Variants in MCOLN2 observed in about 807,000 individuals in gnomAD.
MCOLN2 encodes the protein mucolipin TRP cation channel 2.
Under a neutral mutation model 67.5 loss-of-function variants are expected in MCOLN2, and 57 were observed. That is an observed-to-expected ratio of 0.84 (90% CI 0.68 to 1.05). The LOEUF (loss-of-function observed/expected upper bound fraction) is 1.05. MCOLN2 is among the 50% of genes least tolerant of loss of function. The probability of loss-of-function intolerance (pLI) is 0.00; values close to 1 mark genes in which losing one functional copy is unlikely to be tolerated. For missense variants in MCOLN2, 620 were observed against 678.8 expected, an observed-to-expected ratio of 0.91 and a Z score of 0.96; for synonymous variants, 246 against 233.3, an observed-to-expected ratio of 1.05 and a Z score of -0.50.
chr1:84,930,123 C>A (rs1324109709), intron 12 of MCOLN2, among the ~76,000 whole-genome samples: 2 of 151,860 alleles, frequency 1.3e-5, no homozygotes, highest in Non-Finnish European at 2.9e-5. Context: ...ATTTTCTGGC[C>A]ATGGTGGTGT....
At chr1:84,977,754 G>A (rs915099519) in intron 1 of MCOLN2, among the ~76,000 whole-genome samples, 1 of 152,122 alleles carries the variant, frequency 6.6e-6, no homozygotes, top group Admixed American at 6.5e-5. Flanking sequence ...AATATTATTA[G>A]AGCTAATAAG....
At chr1:84,928,601 C>A (rs1418282658) in intron 13 of MCOLN2, among the ~76,000 whole-genome samples, 1 of 152,154 alleles carries the variant, frequency 6.6e-6, no homozygotes, top group Non-Finnish European at 1.5e-5. Context: ...ATACAAGGTA[C>A]CTCTTAGGAG....
intron 1 of MCOLN2, among the ~76,000 whole-genome samples, chr1:84,967,306 C>G (rs1165867366): frequency 6.6e-6 from 1 of 152,166 alleles, no homozygotes; most frequent in Non-Finnish European, 1.5e-5. Context: ...ATGGCTTAAG[C>G]CAGTTTGAGT....
chr1:84,965,032 A>T (rs896948877), intron 2 of MCOLN2, among the ~76,000 whole-genome samples: 6 of 152,188 alleles, frequency 3.9e-5, no homozygotes, highest in African/African-American at 1.4e-4. Flanking sequence ...AAACTAGAGG[A>T]AAACTCTGAT....
intron 11 of MCOLN2, among the ~76,000 whole-genome samples, chr1:84,936,073 G>T (rs1465377939): frequency 6.6e-6 from 1 of 152,120 alleles, no homozygotes; most frequent in Admixed American, 6.5e-5. Flanking sequence ...CTTTCTAGCT[G>T]GGTAATCTCA....
intron 13 of MCOLN2, 22 bp from the exon 14 acceptor site, chr1:84,926,743 G>A (rs779768021): frequency 6.3e-7 from 1 of 1,576,476 alleles, no homozygotes; most frequent in East Asian, 2.3e-5. Flanking sequence ...AGGGAAAGAA[G>A]AAAAGAGGAA....
At chr1:84,950,151 A>G (rs901049292) in intron 6 of MCOLN2, among the ~76,000 whole-genome samples, 2 of 152,252 alleles carry the variant, frequency 1.3e-5, no homozygotes, top group Non-Finnish European at 2.9e-5. Context: ...CAATAAAGAC[A>G]TAAATTAAGG....
rs1215009776 is a variant in MCOLN2, at chr1:84,944,806, G to T, written c.847+2227C>A. Among the ~76,000 whole-genome samples the T allele has an allele frequency of 3.3e-5, 5 of 152,264 alleles. No homozygotes were observed. In the East Asian group the frequency reaches 7.7e-4, roughly 24 times the overall value. On this transcript the variant is annotated intron_variant, in intron 7 of 13. Coordinates refer to ENST00000370608, the MANE Select transcript of MCOLN2 (RefSeq NM_153259.4). ...GAGAGGAGCCTGGGGGTAAGCGTGTGGGTGTGAATGAGCCTCTGAACTGTT... is the reference window on the plus strand; with the variant it reads ...GAGAGGAGCCTGGGGGTAAGCGTGTTGGTGTGAATGAGCCTCTGAACTGTT...
intron 12 of MCOLN2, among the ~76,000 whole-genome samples, chr1:84,930,492 G>A (rs1443257120): frequency 6.6e-6 from 1 of 151,924 alleles, no homozygotes; most frequent in Non-Finnish European, 1.5e-5. Flanking sequence ...CTTCAACACT[G>A]AGGCTTGGCC....
At position 84,939,470 on chromosome 1, in the gene MCOLN2, C is replaced by G. The variant is rs183199768; in HGVS notation, c.1110+83G>C. 3.4e-5 allele frequency: 47 copies of G among 1,366,232 alleles called. No individual in the cohort carries two copies. In the Admixed American group the frequency reaches 7.6e-4, roughly 22 times the overall value. 84.6% of individuals were successfully genotyped at this position (1,366,232 alleles called of 1,614,324 possible). A position where few individuals can be genotyped will look rare whatever the true frequency, so the allele number is the denominator to read the frequency against. ...GGGAAGACACGAGAATCAAAGTGGT[C>G]TCCAAAGGATGGTACGTCTTAAGAT... On this transcript the variant is annotated intron_variant, in intron 9 of 13. Coordinates refer to ENST00000370608, the MANE Select transcript of MCOLN2 (RefSeq NM_153259.4).
intron 11 of MCOLN2, among the ~76,000 whole-genome samples, chr1:84,936,704 G>A (rs1369726689): frequency 6.6e-6 from 1 of 152,206 alleles, no homozygotes; most frequent in African/African-American, 2.4e-5. Context: ...GAAAGTCTGA[G>A]TGTTCCAGGT....
intron 1 of MCOLN2, among the ~76,000 whole-genome samples, chr1:84,989,638 T>G (rs1650787684): frequency 6.6e-6 from 1 of 152,104 alleles, no homozygotes; most frequent in Non-Finnish European, 1.5e-5. Flanking sequence ...TAACATGCCT[T>G]TTTAAGTACA....
intron 11 of MCOLN2, among the ~76,000 whole-genome samples, chr1:84,934,906 C>T (rs1351063341): frequency 6.6e-6 from 1 of 152,162 alleles, no homozygotes; most frequent in Non-Finnish European, 1.5e-5. Flanking sequence ...AGATGCCTAA[C>T]AGGAAGATAG....
chr1:84,952,216 A>G, intron 6 of MCOLN2, 27 bp downstream of exon 6: 1 of 1,494,628 alleles, frequency 6.7e-7, no homozygotes, highest in East Asian at 2.3e-5. Context: ...AATAAAAGGA[A>G]GTAGCTAGTA....
At chr1:84,930,262 CTT>C (rs200254741) in intron 12 of MCOLN2, among the ~76,000 whole-genome samples, 1 of 147,660 alleles carries the variant, frequency 6.8e-6, no homozygotes, top group African/African-American at 2.6e-5. Context: ...GACCCTCTCT[CTT>C]TTTTTAAAAA....
At chr1:84,927,247 T>G (rs1160944664) in intron 13 of MCOLN2, among the ~76,000 whole-genome samples, 3 of 151,728 alleles carry the variant, frequency 2.0e-5, no homozygotes, top group Non-Finnish European at 2.9e-5. Flanking sequence ...TAGGTTTTAC[T>G]CAATAAATAC....
At position 84,996,938 on chromosome 1, in the gene MCOLN2, C is replaced by G. The variant is rs1160236948; in HGVS notation, c.-66G>C. 2.1e-6 allele frequency: 3 copies of G among 1,427,330 alleles called. No homozygotes were observed. The highest frequency in any genetic ancestry group is 1.7e-5 in the Admixed American group (1 of 58,398). The allele number at this position is 1,427,330 out of a possible 1,614,324, so 88.4% of individuals were successfully genotyped here. On this transcript the variant is annotated 5_prime_UTR_variant, in exon 1 of 14. Coordinates refer to ENST00000370608, the MANE Select transcript of MCOLN2 (RefSeq NM_153259.4). Reference sequence around the variant, plus strand: ...AACAGGAAACACCGTTCACGGCCGACTCATTTCGCCCTCGCCGTAACGCGT... The same window carrying G: ...AACAGGAAACACCGTTCACGGCCGAGTCATTTCGCCCTCGCCGTAACGCGT...
intron 11 of MCOLN2, 72 bp from the exon 12 acceptor site, chr1:84,931,640 T>G (rs1457866783): frequency 7.9e-7 from 1 of 1,272,338 alleles, no homozygotes; most frequent in Non-Finnish European, 1.1e-6. Flanking sequence ...AGTTAGCTTG[T>G]TTTGTTAACA....
intron 1 of MCOLN2, among the ~76,000 whole-genome samples, chr1:84,993,511 C>T (rs1650992707): frequency 6.6e-6 from 1 of 152,078 alleles, no homozygotes; most frequent in Non-Finnish European, 1.5e-5. Flanking sequence ...TTAATGGCAT[C>T]CATGATGATG....
Sources: gnomAD v4.1 joint callset for allele counts (sites outside exome capture counted in the v4.1 genomes callset) on GRCh38, gnomAD v4.1.1 for gene constraint, MANE v1.5 for transcripts, NCBI Gene and HGNC (gene_info 2026-07-23, HGNC 2026-07-21) for gene names.